The following SATB2 variants were observed in gnomAD, a reference collection of about 807,000 sequenced individuals.
SATB2 encodes SATB homeobox 2.
In SATB2, 1 loss-of-function variant was observed where a neutral mutation model predicts 73.4. That is an observed-to-expected ratio of 0.01 (90% confidence interval 0.00 to 0.06). The LOEUF (loss-of-function observed/expected upper bound fraction) is 0.06. Among genes scored for constraint, SATB2 ranks in the 10% least tolerant of loss-of-function variants. The pLI, the probability that SATB2 is intolerant of heterozygous loss-of-function variation, is 1.00. For synonymous variants in SATB2, 397 were observed against 367.0 expected, an observed-to-expected ratio of 1.08 and a Z score of -0.93; for missense variants, 459 against 945.8, an observed-to-expected ratio of 0.49 and a Z score of 6.75.
intron 3 of SATB2, among the ~76,000 whole-genome samples, chr2:199,411,186 C>G (rs558244660): frequency 6.6e-6 from 1 of 151,352 alleles, no homozygotes; most frequent in Non-Finnish European, 1.5e-5. Context: ...CCACCTGTGA[C>G]GGGTTCTTTC....
In SATB2 at chr2:199,308,232, A is replaced by T. The variant is rs1687490724; in HGVS notation, c.1740+528T>A. 6.6e-6 allele frequency among the ~76,000 whole-genome samples: 1 copy of T among 152,180 alleles called. No homozygotes were observed. The highest frequency in any genetic ancestry group is 6.5e-5 in the Admixed American group (1 of 15,288). On this transcript the variant is annotated intron_variant, in intron 10 of 10. Coordinates refer to ENST00000417098, the MANE Select transcript of SATB2 (RefSeq NM_001172509.2). This position sits in a 1 kb window ranked among gnomAD's most constrained non-coding sequence, Gnocchi z 4.6. ...ATTTCTAAATGAGATGTAACCAAAG[A>T]CAGCAAAAACTCATCTTAAAATTCT...
chr2:199,458,861 C>T (rs1692388845), upstream of SATB2: 1 of 301,010 alleles, frequency 3.3e-6, no homozygotes, highest in East Asian at 1.6e-4. Context: ...GCCCGCCGCG[C>T]TTCGTGCCGC....
chr2:199,462,587 A>C (rs1005408398), upstream of SATB2, among the ~76,000 whole-genome samples: 5 of 152,138 alleles, frequency 3.3e-5, no homozygotes, highest in African/African-American at 1.2e-4. The surrounding 1 kb of genome is among the most constrained non-coding windows in gnomAD (Gnocchi z 5.9). Flanking sequence ...CCTCGTTGGC[A>C]TCAGAGCCGG....
intron 2 of SATB2, among the ~76,000 whole-genome samples, chr2:199,446,894 G>A (rs1285244509): frequency 6.6e-6 from 1 of 152,084 alleles, no homozygotes; most frequent in Non-Finnish European, 1.5e-5. Context: ...CCTCAGGAAG[G>A]TTTTTAAATA....
At chr2:199,386,750 ACACACACACACACAC>A (rs1689972767) in intron 3 of SATB2, among the ~76,000 whole-genome samples, 1 of 141,788 alleles carries the variant, frequency 7.1e-6, no homozygotes, top group Non-Finnish European at 1.6e-5. Context: ...ACACACACAC[ACACACACACACACAC>A]ACCTTTGAGT....
intron 9 of SATB2, among the ~76,000 whole-genome samples, chr2:199,317,547 A>G (rs1385895362): frequency 2.0e-5 from 3 of 152,096 alleles, no homozygotes; most frequent in Non-Finnish European, 4.4e-5. Context: ...ATAAGTTAAA[A>G]GTATTTGACA....
rs1252526003 is a variant in SATB2 at position 199,269,615 on chromosome 2, G to GA, written c.*2595dup. Reference sequence around the variant, plus strand: ...ATAACAAAGATAGTTGATTTACATGGAAAAAAGAACATTTACAATATGTTA... The same window carrying GA: ...ATAACAAAGATAGTTGATTTACATGGAAAAAAAGAACATTTACAATATGTTA... On this transcript the variant is annotated 3_prime_UTR_variant, in exon 11 of 11. Coordinates refer to ENST00000417098, the MANE Select transcript of SATB2 (RefSeq NM_001172509.2). The GA allele has an allele frequency of 2.0e-5, 3 of 147,414 alleles. No homozygotes were observed. Among genetic ancestry groups the GA allele is most frequent in the Admixed American group, 7.0e-5 (1 of 14,354 alleles). 9.1% of individuals were successfully genotyped at this position (147,414 alleles called of 1,614,324 possible). A position where few individuals can be genotyped will look rare whatever the true frequency, so the allele number is the denominator to read the frequency against.
At chr2:199,344,403 A>G (rs1323814796) in intron 7 of SATB2, among the ~76,000 whole-genome samples, 2 of 152,206 alleles carry the variant, frequency 1.3e-5, no homozygotes, top group Non-Finnish European at 2.9e-5. Context: ...CTATGGACAC[A>G]CAAATATTGC....
At chr2:199,397,498 G>C (rs1308465252) in intron 3 of SATB2, 1 of 154,356 alleles carries the variant, frequency 6.5e-6, no homozygotes, top group African/African-American at 2.4e-5. Context: ...ACAAAGCTAA[G>C]TGTATCAGAT....
At chr2:199,304,076 T>G (rs1438653909) in intron 10 of SATB2, among the ~76,000 whole-genome samples, 1 of 152,128 alleles carries the variant, frequency 6.6e-6, no homozygotes, top group African/African-American at 2.4e-5. Flanking sequence ...ATGAGGGAAG[T>G]GTGGTCAGAG....
chr2:199,280,308 T>C (rs1692447950), intron 10 of SATB2, among the ~76,000 whole-genome samples: 1 of 152,200 alleles, frequency 6.6e-6, no homozygotes, highest in Admixed American at 6.5e-5. Context: ...GGAGGATGTA[T>C]GTCGCCTCAG....
intron 10 of SATB2, among the ~76,000 whole-genome samples, chr2:199,289,283 C>G (rs949651809): frequency 6.6e-6 from 1 of 152,140 alleles, no homozygotes; most frequent in Non-Finnish European, 1.5e-5. Context: ...GACAGGCACT[C>G]TTGTTTAGAT....
chr2:199,366,507 C>T (rs1206483794), intron 6 of SATB2, among the ~76,000 whole-genome samples: 4 of 151,966 alleles, frequency 2.6e-5, no homozygotes, highest in African/African-American at 9.7e-5. Flanking sequence ...ACCATTATAC[C>T]TGTCATGAAT....
intron 2 of SATB2, among the ~76,000 whole-genome samples, chr2:199,442,676 G>A (rs1178777501): frequency 6.6e-6 from 1 of 152,182 alleles, no homozygotes; most frequent in Non-Finnish European, 1.5e-5. Context: ...GAGCTTAGGA[G>A]TTCGAGGCTA....
At chr2:199,298,226 A>G (rs1687175881) in intron 10 of SATB2, among the ~76,000 whole-genome samples, 1 of 152,108 alleles carries the variant, frequency 6.6e-6, no homozygotes, top group Non-Finnish European at 1.5e-5. Flanking sequence ...AACCCCATCA[A>G]TTTGGGATTA....
At position 199,372,986 on chromosome 2, in the gene SATB2, C is replaced by G. The variant is rs544107007; in HGVS notation, c.598-4279G>C. ...CAAAATAAAACAAAAGATAAAATAA[C>G]TGGATATCCTTCACTACAATCTGCT... On this transcript the variant is annotated intron_variant, in intron 5 of 10. Coordinates refer to ENST00000417098, the MANE Select transcript of SATB2 (RefSeq NM_001172509.2). Among the ~76,000 whole-genome samples the G allele has an allele frequency of 5.9e-5, 9 of 152,304 alleles. No individual in the cohort carries two copies. In the South Asian group the frequency reaches 1.7e-3, roughly 28 times the overall value.
At chr2:199,297,469 AG>A (rs1054062098) in intron 10 of SATB2, among the ~76,000 whole-genome samples, 1 of 152,186 alleles carries the variant, frequency 6.6e-6, no homozygotes, top group African/African-American at 2.4e-5. Flanking sequence ...GTTCCACTGA[AG>A]GGAGTCCTGG....
intron 3 of SATB2, among the ~76,000 whole-genome samples, chr2:199,424,104 G>C (rs1300767896): frequency 6.6e-6 from 1 of 152,174 alleles, no homozygotes; most frequent in Non-Finnish European, 1.5e-5. Flanking sequence ...GACAGATAGA[G>C]GAAGAACCTT....
At chr2:199,387,052 A>G (rs2105876203) in intron 3 of SATB2, among the ~76,000 whole-genome samples, 1 of 152,290 alleles carries the variant, frequency 6.6e-6, no homozygotes, top group East Asian at 1.9e-4. Flanking sequence ...ATGTTACTTT[A>G]CAGTTTGCAC....
Sources: gnomAD v4.1 joint callset for allele counts (sites outside exome capture counted in the v4.1 genomes callset) on GRCh38, gnomAD v4.1.1 for gene constraint, Gnocchi (gnomAD v3.1) non-coding constraint, MANE v1.5 for transcripts, NCBI Gene and HGNC (gene_info 2026-07-23, HGNC 2026-07-21) for gene names.